The following OXR1 variants were observed in gnomAD, a reference collection of about 807,000 sequenced individuals.
OXR1 encodes oxidation resistance 1, also known as oxidation resistance protein 1.
In OXR1, 41 loss-of-function variants were observed where a neutral mutation model predicts 104.6. The ratio of observed to expected loss-of-function variants is 0.39; its 90% CI spans 0.31 to 0.51. OXR1 has a LOEUF of 0.51. Among genes scored for constraint, OXR1 ranks in the 20% least tolerant of loss-of-function variants. The probability of loss-of-function intolerance (pLI) is 0.77; values close to 1 mark genes in which losing one functional copy is unlikely to be tolerated. For missense variants in OXR1, 955 were observed against 1,031.9 expected, an observed-to-expected ratio of 0.93 and a Z score of 1.02; for synonymous variants, 348 against 348.4, an observed-to-expected ratio of 1.00 and a Z score of 0.01.
At chr8:106,570,486 G>A (rs1817394839) in intron 3 of OXR1, among the ~76,000 whole-genome samples, 3 of 152,172 alleles carry the variant, frequency 2.0e-5, no homozygotes, top group African/African-American at 7.2e-5. Flanking sequence ...AATTTAGAAA[G>A]ATTAAGTAAC....
At chr8:106,616,218 ATT>A (rs372788802) in intron 3 of OXR1, among the ~76,000 whole-genome samples, 38 of 96,016 alleles carry the variant, frequency 4.0e-4, no homozygotes, top group Admixed American at 1.0e-3. Context: ...ATTTTTTGGA[ATT>A]TTTTTTTTTT....
chr8:106,320,394 C>T (rs1378911818), intron 1 of OXR1, among the ~76,000 whole-genome samples: 1 of 152,114 alleles, frequency 6.6e-6, no homozygotes, highest in Non-Finnish European at 1.5e-5. Context: ...GGCAGCAAAA[C>T]TCATTTTTAT....
intron 2 of OXR1, among the ~76,000 whole-genome samples, chr8:106,386,326 A>T (rs1481000017): frequency 2.6e-5 from 4 of 152,084 alleles, no homozygotes; most frequent in South Asian, 2.1e-4. Flanking sequence ...TAAGTTTAAA[A>T]TTTTTCTGAT....
chr8:106,659,196 T>G (rs1390793319), intron 3 of OXR1, among the ~76,000 whole-genome samples: 1 of 152,198 alleles, frequency 6.6e-6, no homozygotes, highest in Non-Finnish European at 1.5e-5. Context: ...TGGCCTCAAG[T>G]GATCCTCCTG....
At chr8:106,588,961 G>T (rs1015595075) in intron 3 of OXR1, among the ~76,000 whole-genome samples, 1 of 152,194 alleles carries the variant, frequency 6.6e-6, no homozygotes, top group Non-Finnish European at 1.5e-5. Flanking sequence ...CACACACTGT[G>T]TGCAAAGTCC....
intron 2 of OXR1, among the ~76,000 whole-genome samples, chr8:106,398,523 A>G (rs1019372953): frequency 6.6e-6 from 1 of 152,194 alleles, no homozygotes; most frequent in Admixed American, 6.6e-5. Context: ...GTCAGTGATC[A>G]CAACCCTTTC....
intron 2 of OXR1, among the ~76,000 whole-genome samples, chr8:106,485,253 C>T (rs567766650): frequency 6.6e-6 from 1 of 152,162 alleles, no homozygotes; most frequent in East Asian, 1.9e-4. Flanking sequence ...ATACACATCA[C>T]TATACATTCT....
intron 7 of OXR1, among the ~76,000 whole-genome samples, chr8:106,694,578 AATGTTTATATATATTTGATATATAAATAT>A (rs1563716102): frequency 0.2 from 19,449 of 96,960 alleles, 6,430 homozygotes; most frequent in African/African-American, 0.29. Context: ...TTGATATATA[AATGTTTATATATATTTGATATATAAATAT>A]ATGTTTATAT....
At chr8:106,654,551 T>C (rs1180047524) in intron 3 of OXR1, among the ~76,000 whole-genome samples, 1 of 152,096 alleles carries the variant, frequency 6.6e-6, no homozygotes, top group East Asian at 1.9e-4. Flanking sequence ...CAAAGACCTA[T>C]ATAAGATCAA....
At chr8:106,721,608 T>C (rs2131462048) in intron 11 of OXR1, among the ~76,000 whole-genome samples, 1 of 152,314 alleles carries the variant, frequency 6.6e-6, no homozygotes, top group Non-Finnish European at 1.5e-5. Context: ...CTGTATCTTT[T>C]TAGGTACATG....
intron 2 of OXR1, among the ~76,000 whole-genome samples, chr8:106,474,852 T>G (rs1364218412): frequency 2.0e-5 from 3 of 151,974 alleles, no homozygotes; most frequent in Non-Finnish European, 1.5e-5. Flanking sequence ...TGTACCTATT[T>G]CATAGAATTT....
intron 2 of OXR1, among the ~76,000 whole-genome samples, chr8:106,463,458 G>T (rs1222040848): frequency 1.3e-5 from 2 of 152,062 alleles, no homozygotes; most frequent in East Asian, 3.9e-4. Flanking sequence ...TTAATAAAAT[G>T]TTAATAACAC....
rs374294338 is a variant in OXR1, at chr8:106,546,547, C to T, written c.220+27408C>T. Among the ~76,000 whole-genome samples, 338 of 152,112 alleles carry T rather than the reference C, an allele frequency of 2.2e-3. 1 individual carries two copies. The highest frequency in any genetic ancestry group is 4.7e-3 in the Admixed American group (72 of 15,268). ...TCTCCAAAGATGATTTTGAGACCTTCGGTATTTAAAGGGGAAAAGCGAGCT... is the reference window on the plus strand; with the variant it reads ...TCTCCAAAGATGATTTTGAGACCTTTGGTATTTAAAGGGGAAAAGCGAGCT... On this transcript the variant is annotated intron_variant, in intron 3 of 16. Transcript: ENST00000517566.
chr8:106,728,274 T>C (rs944463022), intron 11 of OXR1, among the ~76,000 whole-genome samples: 4 of 128,114 alleles, frequency 3.1e-5, no homozygotes, highest in Non-Finnish European at 5.2e-5. Context: ...TCAGAACAAA[T>C]GAAATTTGAC....
intron 3 of OXR1, among the ~76,000 whole-genome samples, chr8:106,642,136 G>A (rs1276482226): frequency 6.6e-6 from 1 of 152,058 alleles, no homozygotes; most frequent in Admixed American, 6.6e-5. Context: ...AACAAATACT[G>A]TAAAATTGAA....
rs1399436349 is a variant in OXR1, at chr8:106,270,320, C to T, written c.-186C>T. On this transcript the variant is annotated 5_prime_UTR_variant, in exon 1 of 17. Coordinates refer to ENST00000517566, the MANE Select transcript of OXR1 (RefSeq NM_001198533.2). ...CCGCCGAGAGGGGCGCACTCGCCGC[C>T]GCGGGGCCCGCCGCCGCTCACCGCA... is the stretch of plus-strand genomic sequence containing the variant. The T allele has an allele frequency of 5.2e-5, 8 of 152,526 alleles. No individual in the cohort carries two copies. The highest frequency in any genetic ancestry group is 4.6e-4 in the Admixed American group (7 of 15,262). The allele number at this position is 152,526 out of a possible 1,614,324, so 9.4% of individuals were successfully genotyped here. A position where few individuals can be genotyped will look rare whatever the true frequency, so the allele number is the denominator to read the frequency against.
chr8:106,315,956 A>G (rs1228312079), intron 1 of OXR1, among the ~76,000 whole-genome samples: 1 of 152,200 alleles, frequency 6.6e-6, no homozygotes, highest in African/African-American at 2.4e-5. Context: ...TAATCATGAA[A>G]TGTATTTCTT....
Position 106,637,580 on chromosome 8 carries a change from G to T in OXR1, c.221-41630G>T, listed in dbSNP as rs143940679. Among the ~76,000 whole-genome samples the T allele has an allele frequency of 6.4e-3, 975 of 152,254 alleles. 20 individuals carry two copies. The highest frequency in any genetic ancestry group is 0.022 in the African/African-American group (918 of 41,540). On this transcript the variant is annotated intron_variant, in intron 3 of 16. Coordinates refer to ENST00000517566, the MANE Select transcript of OXR1 (RefSeq NM_001198533.2). ...GACGGTACATTCTTCCAACCTTGGG[G>T]AGGAAAGTCAATTCAAAGTCTATTG... is the stretch of plus-strand genomic sequence containing the variant.
intron 3 of OXR1, among the ~76,000 whole-genome samples, chr8:106,676,421 G>A (rs1033925585): frequency 6.6e-6 from 1 of 152,190 alleles, no homozygotes; most frequent in Admixed American, 6.5e-5. Flanking sequence ...GTACTTCATT[G>A]TGTTTTTGTA....
Sources: gnomAD v4.1 joint callset for allele counts (sites outside exome capture counted in the v4.1 genomes callset) on GRCh38, gnomAD v4.1.1 for gene constraint, MANE v1.5 for transcripts, NCBI Gene and HGNC (gene_info 2026-07-23, HGNC 2026-07-21) for gene names.